Variants in NEGR1 observed in about 807,000 individuals in gnomAD.
NEGR1 encodes IgLON family member 4.
In NEGR1, 10 loss-of-function variants were observed where a neutral mutation model predicts 40.9. That is an observed-to-expected ratio of 0.24 (90% CI 0.15 to 0.42). The LOEUF (loss-of-function observed/expected upper bound fraction) is 0.42. Ranked by LOEUF, NEGR1 falls within the 10% of genes least tolerant of loss-of-function variation. The probability of loss-of-function intolerance (pLI) is 1.00; values close to 1 mark genes in which losing one functional copy is unlikely to be tolerated. For synonymous variants in NEGR1, 185 were observed against 166.8 expected (o/e 1.11, Z -0.84); for missense variants, 352 against 438.9 (o/e 0.80, Z 1.77).
chr1:72,205,885 A>C (rs896718994), intron 1 of NEGR1, among the ~76,000 whole-genome samples: 1 of 150,476 alleles, frequency 6.6e-6, no homozygotes, highest in Non-Finnish European at 1.5e-5. Context: ...CGAGGCTGCA[A>C]TGAGCCAAGA....
intron 4 of NEGR1, among the ~76,000 whole-genome samples, chr1:71,658,058 G>A (rs1036515309): frequency 6.6e-6 from 1 of 152,072 alleles, no homozygotes; most frequent in Non-Finnish European, 1.5e-5. Context: ...TCCCTGCACA[G>A]CTCCAGCCAA....
At chr1:71,737,188 AATGAAAT>A (rs1483078809) in intron 3 of NEGR1, among the ~76,000 whole-genome samples, 1 of 152,202 alleles carries the variant, frequency 6.6e-6, no homozygotes, top group African/African-American at 2.4e-5. Context: ...TGAAAAGGGA[AATGAAAT>A]AGGCTCGACC....
intron 2 of NEGR1, among the ~76,000 whole-genome samples, chr1:71,886,757 G>A (rs542064160): frequency 3.3e-5 from 5 of 152,106 alleles, no homozygotes; most frequent in South Asian, 2.1e-4. Flanking sequence ...CCTTTTTTAC[G>A]TGTATTCCAT....
At chr1:71,942,452 AATCTATATATATAT>A (rs1289550009) in intron 1 of NEGR1, among the ~76,000 whole-genome samples, 1 of 34,262 alleles carries the variant, frequency 2.9e-5, no homozygotes, top group African/African-American at 9.5e-5. Flanking sequence ...AAATTCTTTA[AATCTATATATATAT>A]ATATATATAT....
intron 3 of NEGR1, among the ~76,000 whole-genome samples, chr1:71,728,515 T>C (rs1654749335): frequency 6.6e-6 from 1 of 152,156 alleles, no homozygotes; most frequent in Non-Finnish European, 1.5e-5. Flanking sequence ...ATTCTGACTT[T>C]CTATCTTTTC....
intron 6 of NEGR1, among the ~76,000 whole-genome samples, chr1:71,544,605 A>G (rs1647828293): frequency 1.3e-5 from 2 of 151,764 alleles, no homozygotes; most frequent in Non-Finnish European, 2.9e-5. Context: ...CATAAAAAAC[A>G]TTATAAAGTT....
At chr1:71,679,772 G>A (rs1022676732) in intron 4 of NEGR1, among the ~76,000 whole-genome samples, 7 of 152,078 alleles carry the variant, frequency 4.6e-5, no homozygotes, top group African/African-American at 1.2e-4. Flanking sequence ...ATCTGAAAGA[G>A]AAAGCAAATA....
At chr1:71,707,096 T>C (rs1046289730) in intron 3 of NEGR1, among the ~76,000 whole-genome samples, 6 of 151,190 alleles carry the variant, frequency 4.0e-5, no homozygotes, top group Non-Finnish European at 5.9e-5. Flanking sequence ...CCAAGTGGTT[T>C]GATTGAGAGT....
In NEGR1 at chr1:71,592,711, A is replaced by G. The variant is rs1649541104; in HGVS notation, c.940+106T>C. On this transcript the variant is annotated intron_variant, in intron 6 of 6. Coordinates refer to ENST00000357731, the MANE Select transcript of NEGR1 (RefSeq NM_173808.3). The stretch of plus-strand genomic sequence containing the variant: ...TGATGTATAAGGAATGTGTCACATC[A>G]GGTTGAGTTTTAAAATGAACGTACT... The G allele has an allele frequency of 1.9e-5, 15 of 802,490 alleles. No homozygotes were observed. The South Asian group carries it at 2.2e-4, about 12-fold the overall frequency. 49.7% of individuals were successfully genotyped at this position (802,490 alleles called of 1,614,324 possible). A position where few individuals can be genotyped will look rare whatever the true frequency, so the allele number is the denominator to read the frequency against.
chr1:72,098,523 C>T (rs961291013), intron 1 of NEGR1, among the ~76,000 whole-genome samples: 2 of 152,120 alleles, frequency 1.3e-5, no homozygotes, highest in East Asian at 3.9e-4. Flanking sequence ...CCCTGTCACT[C>T]TCTGCTCGCC....
chr1:71,574,671 C>T (rs17091411), intron 6 of NEGR1, among the ~76,000 whole-genome samples: 4,254 of 152,076 alleles, frequency 0.028, 136 homozygotes, highest in East Asian at 0.094. Flanking sequence ...ATTGTCTCAC[C>T]ACTACAAGAT....
intron 2 of NEGR1, among the ~76,000 whole-genome samples, chr1:71,850,550 T>A (rs765301515): frequency 6.6e-6 from 1 of 152,172 alleles, no homozygotes; most frequent in African/African-American, 2.4e-5. Flanking sequence ...CAAATTAAAA[T>A]TTCTGCTAAG....
chr1:71,644,826 A>G (rs1651478807), intron 4 of NEGR1, among the ~76,000 whole-genome samples: 1 of 151,962 alleles, frequency 6.6e-6, no homozygotes, highest in African/African-American at 2.4e-5. Flanking sequence ...TATTTCCAGT[A>G]CTAGAGAGAT....
intron 3 of NEGR1, among the ~76,000 whole-genome samples, chr1:71,700,736 C>A (rs1035693042): frequency 3.3e-5 from 5 of 151,882 alleles, no homozygotes; most frequent in African/African-American, 1.2e-4. Context: ...TAATAGGTCC[C>A]CCAAAGTTAT....
At chr1:71,999,083 C>T (rs77920992) in intron 1 of NEGR1, among the ~76,000 whole-genome samples, 1 of 151,858 alleles carries the variant, frequency 6.6e-6, no homozygotes, top group African/African-American at 2.4e-5. Context: ...AAATGCCAGG[C>T]TTTACTATGG....
intron 2 of NEGR1, among the ~76,000 whole-genome samples, chr1:71,840,306 C>A (rs1286712483): frequency 6.6e-6 from 1 of 151,972 alleles, no homozygotes; most frequent in Admixed American, 6.6e-5. Context: ...TTCAGAATTA[C>A]CACATCATTA....
chr1:71,994,078 G>GA (rs983404790), intron 1 of NEGR1, among the ~76,000 whole-genome samples: 1 of 152,156 alleles, frequency 6.6e-6, no homozygotes. Flanking sequence ...AGGAATGTAT[G>GA]AAAAAAATGA....
intron 2 of NEGR1, among the ~76,000 whole-genome samples, chr1:71,884,044 C>T (rs1660656914): frequency 6.6e-6 from 1 of 151,938 alleles, no homozygotes; most frequent in South Asian, 2.1e-4. Context: ...AACCATAACA[C>T]CATCCTACCT....
chr1:71,723,950 T>G (rs963849882), intron 3 of NEGR1, among the ~76,000 whole-genome samples: 1 of 152,056 alleles, frequency 6.6e-6, no homozygotes, highest in Non-Finnish European at 1.5e-5. Context: ...AGAAGTATCA[T>G]TGGAAAAGAT....
Sources: gnomAD v4.1 joint callset for allele counts (sites outside exome capture counted in the v4.1 genomes callset) on GRCh38, gnomAD v4.1.1 for gene constraint, MANE v1.5 for transcripts, NCBI Gene and HGNC (gene_info 2026-07-23, HGNC 2026-07-21) for gene names.